Variants in NRG1 observed in about 807,000 individuals in gnomAD.
NRG1 encodes the protein pro-neuregulin-1, membrane-bound isoform.
NRG1 carries 18 observed loss-of-function variants against 63.8 expected under a neutral mutation model. The observed-to-expected ratio is 0.28, with a 90% CI of 0.19 to 0.42. The LOEUF is 0.42. NRG1 is among the 10% of genes least tolerant of loss of function. The pLI, the probability that NRG1 is intolerant of heterozygous loss-of-function variation, is 1.00. For synonymous variants in NRG1, 302 were observed against 301.3 expected, an observed-to-expected ratio of 1.00 and a Z score of -0.02; for missense variants, 762 against 814.7, an observed-to-expected ratio of 0.94 and a Z score of 0.79.
At chr8:32,710,666 A>G (rs371160916) in intron 5 of NRG1, among the ~76,000 whole-genome samples, 1 of 152,190 alleles carries the variant, frequency 6.6e-6, no homozygotes, top group Non-Finnish European at 1.5e-5. Context: ...AATCTGAATG[A>G]AGGTTAAATA....
chr8:32,123,081 A>G (rs981770654), intron 1 of NRG1, among the ~76,000 whole-genome samples: 1 of 152,004 alleles, frequency 6.6e-6, no homozygotes. Context: ...TGAAGTCCCC[A>G]TGAGAATGCA....
intron 5 of NRG1, among the ~76,000 whole-genome samples, chr8:32,635,344 C>T (rs1851128711): frequency 6.6e-6 from 1 of 152,198 alleles, no homozygotes; most frequent in African/African-American, 2.4e-5. Context: ...ATTTTTATTA[C>T]ACCCTGTACA....
At chr8:32,437,187 C>G (rs1336713518) in intron 1 of NRG1, among the ~76,000 whole-genome samples, 1 of 152,078 alleles carries the variant, frequency 6.6e-6, no homozygotes, top group East Asian at 1.9e-4. Flanking sequence ...ACCTACCTAC[C>G]TACCTACCTA....
In NRG1 at chr8:32,154,497, T is replaced by G. The variant is rs537050789; in HGVS notation, c.38-441331T>G. On this transcript the variant is annotated intron_variant, in intron 1 of 10. Coordinates refer to the NRG1 transcript ENST00000519301. ...CTCCTTCTGTTCTCCAGTACCTTCC[T>G]TTCTTTTCCTTTGCCCTTCTCTCTT... 2.6e-5 allele frequency among the ~76,000 whole-genome samples: 4 copies of G among 152,226 alleles called. No individual in the cohort carries two copies. The South Asian group carries it at 8.3e-4, about 32-fold the overall frequency.
chr8:32,580,587 T>G (rs1840459182), intron 1 of NRG1, among the ~76,000 whole-genome samples: 1 of 152,184 alleles, frequency 6.6e-6, no homozygotes, highest in African/African-American at 2.4e-5. Context: ...TTAGAAAATG[T>G]AAAATGAGGC....
At chr8:32,301,164 G>A (rs946808926) in intron 1 of NRG1, among the ~76,000 whole-genome samples, 1 of 152,172 alleles carries the variant, frequency 6.6e-6, no homozygotes, top group African/African-American at 2.4e-5. Context: ...GTAGGGTCCT[G>A]TGCCTCAGTG....
At chr8:32,397,143 G>A (rs1160009733) in intron 1 of NRG1, among the ~76,000 whole-genome samples, 1 of 152,112 alleles carries the variant, frequency 6.6e-6, no homozygotes, top group East Asian at 1.9e-4. Context: ...TAGGTAGATA[G>A]ATACATAGAT....
intron 1 of NRG1, among the ~76,000 whole-genome samples, chr8:31,812,212 A>G (rs933989974): frequency 6.6e-6 from 1 of 152,220 alleles, no homozygotes; most frequent in Non-Finnish European, 1.5e-5. Flanking sequence ...AAAAACAGGA[A>G]TGAATACAGT....
intron 1 of NRG1, among the ~76,000 whole-genome samples, chr8:32,564,468 G>T (rs557879847): frequency 2.6e-5 from 4 of 152,154 alleles, no homozygotes; most frequent in African/African-American, 9.7e-5. Flanking sequence ...ATTATTTCTA[G>T]TACAGTGGCT....
intron 1 of NRG1, among the ~76,000 whole-genome samples, chr8:31,675,614 A>G (rs182363524): frequency 6.6e-6 from 1 of 152,306 alleles, no homozygotes; most frequent in East Asian, 1.9e-4. Context: ...CCTAGAAGGC[A>G]TCTCTTGTTT....
intron 1 of NRG1, among the ~76,000 whole-genome samples, chr8:32,080,764 C>CGTGT (rs3084557): frequency 9.8e-4 from 146 of 148,818 alleles, no homozygotes; most frequent in African/African-American, 3.5e-3. Context: ...TGTGTGTGTG[C>CGTGT]GTGTGTGTGT....
intron 1 of NRG1, among the ~76,000 whole-genome samples, chr8:32,593,001 A>C (rs1006950936): frequency 1.3e-5 from 2 of 152,186 alleles, no homozygotes; most frequent in Non-Finnish European, 2.9e-5. Flanking sequence ...AACATAAAGA[A>C]AATATTACAA....
chr8:32,549,316 A>T (rs1833674675), intron 1 of NRG1, among the ~76,000 whole-genome samples: 1 of 152,222 alleles, frequency 6.6e-6, no homozygotes. Context: ...GTGGTCGAGC[A>T]AGAGGCCGCG....
At chr8:31,954,458 T>C (rs1403360011) in intron 1 of NRG1, among the ~76,000 whole-genome samples, 2 of 152,208 alleles carry the variant, frequency 1.3e-5, no homozygotes, top group Non-Finnish European at 2.9e-5. Flanking sequence ...GAATGTGTTT[T>C]AGTGTACCTA....
At chr8:32,184,836 T>C (rs2132134489) in intron 1 of NRG1, among the ~76,000 whole-genome samples, 1 of 152,312 alleles carries the variant, frequency 6.6e-6, no homozygotes, top group East Asian at 1.9e-4. Context: ...TGAGACTTAC[T>C]TGCACATAAA....
At chr8:32,250,279 C>T (rs1313955111) in intron 1 of NRG1, among the ~76,000 whole-genome samples, 1 of 152,018 alleles carries the variant, frequency 6.6e-6, no homozygotes, top group East Asian at 1.9e-4. Context: ...TATGGAACAT[C>T]ATCCCAAGGA....
chr8:32,538,401 T>C (rs543843768), intron 1 of NRG1, among the ~76,000 whole-genome samples: 1 of 152,324 alleles, frequency 6.6e-6, no homozygotes, highest in South Asian at 2.1e-4. Flanking sequence ...GATTGAACCT[T>C]ATAATACCCC....
chr8:32,124,900 A>T (rs1362300532), intron 1 of NRG1, among the ~76,000 whole-genome samples: 1 of 151,904 alleles, frequency 6.6e-6, no homozygotes, highest in South Asian at 2.1e-4. Flanking sequence ...CTCATTATAC[A>T]CATGGGAAAA....
At chr8:31,717,199 G>T (rs1013714039) in intron 1 of NRG1, among the ~76,000 whole-genome samples, 3 of 152,056 alleles carry the variant, frequency 2.0e-5, no homozygotes, top group Non-Finnish European at 4.4e-5. Flanking sequence ...TTGAGGTCAG[G>T]AGTTTGAGAC....
Sources: gnomAD v4.1 joint callset for allele counts (sites outside exome capture counted in the v4.1 genomes callset) on GRCh38, gnomAD v4.1.1 for gene constraint, MANE v1.5 for transcripts, NCBI Gene and HGNC (gene_info 2026-07-23, HGNC 2026-07-21) for gene names.